Variants in NAA15 observed in about 807,000 individuals in gnomAD.
NAA15 encodes the protein N-alpha-acetyltransferase 15, NatA auxiliary subunit.
NAA15 carries 34 observed loss-of-function variants against 114.0 expected under a neutral mutation model. That is an observed-to-expected ratio of 0.30 (90% CI 0.23 to 0.40). The LOEUF (loss-of-function observed/expected upper bound fraction) is 0.40, where lower values mean the gene tolerates loss of function less well. Ranked by LOEUF, NAA15 falls within the 10% of genes least tolerant of loss-of-function variation. The pLI is 1.00. For synonymous variants in NAA15, 340 were observed against 338.0 expected (o/e 1.01, Z -0.06); for missense variants, 658 against 1,004.5 (o/e 0.66, Z 4.66).
intron 3 of NAA15, among the ~76,000 whole-genome samples, chr4:139,339,174 T>C (rs1043288462): frequency 4.6e-5 from 7 of 152,182 alleles, no homozygotes; most frequent in Admixed American, 4.6e-4. Flanking sequence ...GGAAGTGGAC[T>C]TCCGTTTTTC....
intron 1 of NAA15, among the ~76,000 whole-genome samples, chr4:139,322,299 C>T (rs571010365): frequency 6.6e-6 from 1 of 152,324 alleles, no homozygotes; most frequent in Non-Finnish European, 1.5e-5. Context: ...TGCACAAGCT[C>T]TCTTCTCTTG....
chr4:139,306,953 T>C (rs540033301), intron 1 of NAA15, among the ~76,000 whole-genome samples: 7 of 152,316 alleles, frequency 4.6e-5, no homozygotes, highest in Non-Finnish European at 8.8e-5. Context: ...ATAAGAAAAA[T>C]CTAAGTTGGG....
At chr4:139,326,653 G>A (rs959740052) in intron 1 of NAA15, among the ~76,000 whole-genome samples, 2 of 152,050 alleles carry the variant, frequency 1.3e-5, no homozygotes, top group Non-Finnish European at 2.9e-5. Context: ...AAATTACCTT[G>A]GAATGTAATG....
chr4:139,371,418 T>C (rs1481855851), intron 15 of NAA15, among the ~76,000 whole-genome samples: 1 of 150,236 alleles, frequency 6.7e-6, no homozygotes, highest in Non-Finnish European at 1.5e-5. Context: ...GCTATGATCA[T>C]GCCTGTGAAT....
Position 139,370,236 on chromosome 4 carries a change from G to T in NAA15, c.1779G>T (p.Lys593Asn). The T allele has an allele frequency of 6.5e-7, 1 of 1,548,894 alleles. No individual in the cohort carries two copies. Among genetic ancestry groups the T allele is most frequent in the South Asian group, 1.3e-5 (1 of 79,110 alleles). ...DTANMSDKEL[K>N]KLRNKQRRAQ... Reference sequence around the variant, plus strand: ...CAAACATGTCTGACAAAGAGCTAAAGAAGCTACGTAATAAACAAAGAAGAG... The same window carrying T: ...CAAACATGTCTGACAAAGAGCTAAATAAGCTACGTAATAAACAAAGAAGAG... Residue 593 changes from lysine (K) to asparagine (N), a missense_variant, in exon 15 of 20, where the codon AAG becomes AAT. Coordinates refer to ENST00000296543, the MANE Select transcript of NAA15 (RefSeq NM_057175.5).
chr4:139,366,207 T>C (rs1748279946), intron 14 of NAA15, among the ~76,000 whole-genome samples: 1 of 152,120 alleles, frequency 6.6e-6, no homozygotes, highest in Admixed American at 6.5e-5. Flanking sequence ...TCTAAGTGAC[T>C]CTGACTCAGG....
chr4:139,353,699 G>A (rs1271956818), intron 9 of NAA15, among the ~76,000 whole-genome samples: 1 of 152,092 alleles, frequency 6.6e-6, no homozygotes, highest in East Asian at 1.9e-4. Context: ...TGTTTACTGT[G>A]GGTGTTCATT....
intron 1 of NAA15, among the ~76,000 whole-genome samples, chr4:139,313,832 C>T (rs796728033): frequency 1.3e-4 from 19 of 151,878 alleles, no homozygotes; most frequent in African/African-American, 2.4e-4. Flanking sequence ...CCACCGCGCC[C>T]GGCCTGTTAC....
At chr4:139,302,080 T>C (rs1745793110) in intron 1 of NAA15, 1 of 401,538 alleles carries the variant, frequency 2.5e-6, no homozygotes, top group Admixed American at 4.4e-5. Context: ...GGCCCCGACC[T>C]CCCGGCTTCT....
chr4:139,370,986 A>G (rs1748420446), intron 15 of NAA15, among the ~76,000 whole-genome samples: 1 of 152,242 alleles, frequency 6.6e-6, no homozygotes, highest in Admixed American at 6.5e-5. Context: ...GGTTTTAACC[A>G]TTAAGCTGAA....
intron 1 of NAA15, among the ~76,000 whole-genome samples, chr4:139,324,491 T>C (rs1746725221): frequency 6.6e-6 from 1 of 152,240 alleles, no homozygotes; most frequent in Admixed American, 6.5e-5. Flanking sequence ...ATGATTCTTC[T>C]GTGGAGAACT....
chr4:139,371,392 C>CTGCAGT (rs1411851511), intron 15 of NAA15, among the ~76,000 whole-genome samples: 1 of 151,014 alleles, frequency 6.6e-6, no homozygotes, highest in Non-Finnish European at 1.5e-5. Flanking sequence ...GAGTTCAAGG[C>CTGCAGT]TGCAGTACAC....
At chr4:139,385,076 C>A in intron 18 of NAA15, 98 bp downstream of exon 18, 1 of 1,059,370 alleles carries the variant, frequency 9.4e-7, no homozygotes, top group Non-Finnish European at 1.3e-6. Context: ...ATGGAAGAGG[C>A]AGTGTGTATA....
At chr4:139,376,140 T>C (rs1471831074) in intron 15 of NAA15, among the ~76,000 whole-genome samples, 1 of 152,180 alleles carries the variant, frequency 6.6e-6, no homozygotes, top group Non-Finnish European at 1.5e-5. Flanking sequence ...TCTTTTTGGA[T>C]AGTTTCTATC....
At chr4:139,357,985 T>G (rs1211297839) in intron 11 of NAA15, among the ~76,000 whole-genome samples, 1 of 152,192 alleles carries the variant, frequency 6.6e-6, no homozygotes, top group African/African-American at 2.4e-5. Context: ...TCTTTTGACT[T>G]CTCAACTCCT....
intron 6 of NAA15, among the ~76,000 whole-genome samples, chr4:139,345,016 A>G (rs1747536005): frequency 6.6e-6 from 1 of 152,204 alleles, no homozygotes; most frequent in African/African-American, 2.4e-5. Flanking sequence ...GTGATTTTTT[A>G]AAAAATTACC....
At chr4:139,332,046 C>T (rs1747028892) in intron 1 of NAA15, among the ~76,000 whole-genome samples, 1 of 152,048 alleles carries the variant, frequency 6.6e-6, no homozygotes, top group Admixed American at 6.6e-5. Flanking sequence ...AAACCTATTC[C>T]ATAGTAGCTT....
intron 1 of NAA15, among the ~76,000 whole-genome samples, chr4:139,323,201 C>T (rs560467512): frequency 2.0e-5 from 3 of 151,714 alleles, no homozygotes; most frequent in African/African-American, 7.3e-5. Flanking sequence ...GAATTACAGG[C>T]GCCTGCCACC....
chr4:139,320,366 C>T (rs1579089712), intron 1 of NAA15, among the ~76,000 whole-genome samples: 3 of 152,090 alleles, frequency 2.0e-5, no homozygotes, highest in South Asian at 2.1e-4. Context: ...TCTGTTAGTT[C>T]GGTTTTCAAA....
Sources: allele counts gnomAD v4.1 joint callset (sites outside exome capture counted in the v4.1 genomes callset), GRCh38; gene constraint gnomAD v4.1.1; transcripts MANE v1.5; gene names NCBI Gene and HGNC (gene_info 2026-07-23, HGNC 2026-07-21).